The following AP2B1 variants were observed in gnomAD, a reference collection of about 807,000 sequenced individuals.
AP2B1 encodes the protein adaptor related protein complex 2 subunit beta 1.
Under a neutral mutation model 102.0 loss-of-function variants are expected in AP2B1, and 23 were observed. The observed-to-expected ratio is 0.23, with a 90% CI of 0.16 to 0.32. The LOEUF is 0.32. Ranked by LOEUF, AP2B1 falls within the 10% of genes least tolerant of loss-of-function variation. The pLI is 1.00. For synonymous variants in AP2B1, 381 were observed against 421.2 expected, an observed-to-expected ratio of 0.90 and a Z score of 1.17; for missense variants, 541 against 1,157.4, an observed-to-expected ratio of 0.47 and a Z score of 7.73.
In AP2B1 at chr17:35,658,053, A is replaced by G. The variant is rs564965655; in HGVS notation, c.1989+262A>G. Among the ~76,000 whole-genome samples the G allele has an allele frequency of 5.3e-5, 8 of 152,238 alleles. No homozygotes were observed. In the South Asian group the frequency reaches 6.2e-4, roughly 12 times the overall value. The stretch of plus-strand genomic sequence containing the variant: ...AGAACTTTTGACATTTAACCATCCT[A>G]TTGTTCAGCAATTTTAATGTTTAGT... On this transcript the variant is annotated intron_variant, in intron 14 of 21. Transcript: ENST00000610402.
At chr17:35,623,424 C>T (rs1310881459) in intron 5 of AP2B1, among the ~76,000 whole-genome samples, 1 of 152,086 alleles carries the variant, frequency 6.6e-6, no homozygotes, top group Non-Finnish European at 1.5e-5. Flanking sequence ...ATTAGCTGGG[C>T]ATGGTGGCAT....
At chr17:35,616,896 G>A (rs1032393333) in intron 5 of AP2B1, among the ~76,000 whole-genome samples, 25 of 152,134 alleles carry the variant, frequency 1.6e-4, no homozygotes, top group Admixed American at 2.0e-4. Flanking sequence ...TTTCTTAGAC[G>A]AGTGGTGTCT....
Position 35,606,572 on chromosome 17 carries a change from A to G in AP2B1, c.279+732A>G, listed in dbSNP as rs145882790. Among the ~76,000 whole-genome samples, 1,290 of 152,192 alleles carry G rather than the reference A, an allele frequency of 8.5e-3. 11 individuals carry two copies. The highest frequency in any genetic ancestry group is 0.026 in the African/African-American group (1,065 of 41,514). ...TTTTTTTTAATGGAAAATTTTAAAC[A>G]TATTCAAGAAAAAGGACTAGTATAA... On this transcript the variant is annotated intron_variant, in intron 4 of 21. Coordinates refer to ENST00000610402, the MANE Select transcript of AP2B1 (RefSeq NM_001030006.2).
chr17:35,645,393 G>T (rs1026450275), intron 12 of AP2B1, among the ~76,000 whole-genome samples: 1 of 152,102 alleles, frequency 6.6e-6, no homozygotes, highest in African/African-American at 2.4e-5. Flanking sequence ...AAGTATATGT[G>T]AAATCTTAGT....
At chr17:35,716,685 G>A (rs1031534479) in intron 20 of AP2B1, among the ~76,000 whole-genome samples, 7 of 152,102 alleles carry the variant, frequency 4.6e-5, no homozygotes, top group African/African-American at 1.7e-4. Flanking sequence ...GGCCCTTCCT[G>A]ATCCTGGCAG....
chr17:35,618,387 T>C (rs1008711232), intron 5 of AP2B1, among the ~76,000 whole-genome samples: 14 of 152,372 alleles, frequency 9.2e-5, no homozygotes, highest in Admixed American at 4.6e-4. Context: ...TCTACTTCTT[T>C]CACTTTATTC....
At chr17:35,622,698 T>G (rs760489453) in intron 5 of AP2B1, among the ~76,000 whole-genome samples, 1 of 152,220 alleles carries the variant, frequency 6.6e-6, no homozygotes, top group Non-Finnish European at 1.5e-5. Context: ...GGAGTCTCAC[T>G]CTGTCGCCCA....
chr17:35,598,652 G>A (rs2073373657), intron 3 of AP2B1, among the ~76,000 whole-genome samples: 1 of 152,166 alleles, frequency 6.6e-6, no homozygotes, highest in Non-Finnish European at 1.5e-5. Context: ...TTTAGAAGAT[G>A]ATAAAAATAC....
chr17:35,657,844 TA>T, intron 14 of AP2B1, 53 bp downstream of exon 14: 2 of 1,519,258 alleles, frequency 1.3e-6, no homozygotes, highest in Non-Finnish European at 1.8e-6. Flanking sequence ...CTTGATATGC[TA>T]GAGAGTTTTA....
Position 35,710,244 on chromosome 17 carries a change from C to G in AP2B1, c.2550C>G (p.Val850=). ...FVEDGKMERQ[V]FLATWKDIPN... is the part of the protein sequence containing the mutation. The stretch of plus-strand genomic sequence containing the variant: ...TGCTTTCCCATACAGAGCGCCAGGT[C>G]TTCCTTGCAACATGGAAGGATATTC... Residue 850 remains valine (V), a synonymous_variant, in exon 20 of 22, where the codon GTC becomes GTG. Transcript: ENST00000610402. 1 of 1,613,050 alleles carries G rather than the reference C, an allele frequency of 6.2e-7. No homozygotes were observed. Among genetic ancestry groups the G allele is most frequent in the South Asian group, 1.1e-5 (1 of 91,004 alleles).
At chr17:35,652,637 A>C (rs1598181280) in intron 13 of AP2B1, among the ~76,000 whole-genome samples, 1 of 152,142 alleles carries the variant, frequency 6.6e-6, no homozygotes, top group Admixed American at 6.6e-5. Flanking sequence ...TCTTTATATT[A>C]ATTTTCTTAT....
chr17:35,711,630 G>A (rs587701082), intron 20 of AP2B1, among the ~76,000 whole-genome samples: 36 of 152,102 alleles, frequency 2.4e-4, no homozygotes, highest in Admixed American at 2.2e-3. Flanking sequence ...CACCACACCC[G>A]GCTAATTTTT....
chr17:35,593,116 T>G (rs1182067214), intron 1 of AP2B1, among the ~76,000 whole-genome samples: 1 of 152,216 alleles, frequency 6.6e-6, no homozygotes, highest in Non-Finnish European at 1.5e-5. Flanking sequence ...AACTATAAAC[T>G]GGCATTATTT....
chr17:35,693,788 C>T (rs1294980934), intron 18 of AP2B1, among the ~76,000 whole-genome samples: 1 of 152,186 alleles, frequency 6.6e-6, no homozygotes, highest in African/African-American at 2.4e-5. Flanking sequence ...TCCCACTGTG[C>T]TCCTGACAGT....
At chr17:35,616,801 A>G (rs1052504289) in intron 5 of AP2B1, among the ~76,000 whole-genome samples, 3 of 152,178 alleles carry the variant, frequency 2.0e-5, no homozygotes, top group African/African-American at 7.2e-5. Flanking sequence ...ATGAAATGGC[A>G]TTTTTCATCC....
In AP2B1 at chr17:35,632,206, C is replaced by T. The variant is rs1369100614; in HGVS notation, c.1156-4135C>T. Among the ~76,000 whole-genome samples, 3 of 151,912 alleles carry T rather than the reference C, an allele frequency of 2.0e-5. No homozygotes were observed. The East Asian group carries it at 5.8e-4, about 29-fold the overall frequency. ...TGGAGTGCAAATGGCGCAATCTCAGCTCACTGCAACCTCTGCCTCCTGGGT... is the reference window on the plus strand; with the variant it reads ...TGGAGTGCAAATGGCGCAATCTCAGTTCACTGCAACCTCTGCCTCCTGGGT... On this transcript the variant is annotated intron_variant, in intron 9 of 21. Coordinates refer to ENST00000610402, the MANE Select transcript of AP2B1 (RefSeq NM_001030006.2).
chr17:35,722,477 C>T (rs2085428993), intron 21 of AP2B1, among the ~76,000 whole-genome samples: 1 of 151,978 alleles, frequency 6.6e-6, no homozygotes. Context: ...GAATATCTTC[C>T]CATGTTCTTT....
chr17:35,684,219 T>C (rs1007356590), intron 18 of AP2B1, among the ~76,000 whole-genome samples: 4 of 152,190 alleles, frequency 2.6e-5, no homozygotes, highest in African/African-American at 9.7e-5. Flanking sequence ...CTGTGAAGGA[T>C]AGTCAAAAGA....
rs1413705125 is a variant in AP2B1 at position 35,608,154 on chromosome 17, C to A, written c.292C>A (p.Pro98Thr). 2 of 1,613,158 alleles carry A rather than the reference C, an allele frequency of 1.2e-6. No individual in the cohort carries two copies. Among genetic ancestry groups the A allele is most frequent in the Non-Finnish European group, 1.7e-6 (2 of 1,180,038 alleles). The change falls in exon 5 of 22, where the codon CCT becomes ACT. Residue 98 changes from proline (P) to threonine (T), a missense_variant. This residue lies in a region of AP2B1 where 28 missense variants were observed against 98.3 expected (regional missense o/e 0.28). Coordinates refer to ENST00000610402, the MANE Select transcript of AP2B1 (RefSeq NM_001030006.2). ...VNSFVKDCED[P>T]NPLIRALAVR... The stretch of plus-strand genomic sequence containing the variant: ...TTGTTTTCTGCAGGACTGTGAAGAT[C>A]CTAATCCTTTGATTCGAGCCTTGGC...
Sources: gnomAD v4.1 joint callset for allele counts (sites outside exome capture counted in the v4.1 genomes callset) on GRCh38, gnomAD v4.1.1 for gene constraint, gnomAD v4.1.1 regional missense constraint, MANE v1.5 for transcripts, NCBI Gene and HGNC (gene_info 2026-07-23, HGNC 2026-07-21) for gene names.